KIF16B: variants seen among roughly 807,000 people sequenced by gnomAD.
The protein encoded by KIF16B is kinesin-like protein KIF16B.
In KIF16B, 98 loss-of-function variants were observed where a neutral mutation model predicts 156.3. That is an observed-to-expected ratio of 0.63 (90% CI 0.53 to 0.74). The LOEUF (loss-of-function observed/expected upper bound fraction) is 0.74. Ranked by LOEUF, KIF16B falls within the 30% of genes least tolerant of loss-of-function variation. KIF16B has a pLI of 0.00. For synonymous variants in KIF16B, 564 were observed against 583.7 expected (o/e 0.97, Z 0.49); for missense variants, 1,421 against 1,606.5 (o/e 0.88, Z 1.97).
intron 1 of KIF16B, among the ~76,000 whole-genome samples, chr20:16,542,684 G>C (rs1169478440): frequency 6.6e-6 from 1 of 152,216 alleles, no homozygotes; most frequent in African/African-American, 2.4e-5. Flanking sequence ...GAAGGTCACT[G>C]TGACTGCAGA....
At chr20:16,441,807 C>A (rs1448703591) in intron 12 of KIF16B, among the ~76,000 whole-genome samples, 1 of 152,162 alleles carries the variant, frequency 6.6e-6, no homozygotes, top group Admixed American at 6.5e-5. Context: ...ATTCAACCAA[C>A]ACCTAACGAC....
chr20:16,528,477 A>G (rs958188542), intron 1 of KIF16B, 37 bp from the exon 2 acceptor site: 1 of 1,396,790 alleles, frequency 7.2e-7, no homozygotes, highest in Non-Finnish European at 1.0e-6. Flanking sequence ...TTAGAAGAGA[A>G]AAGATTATTA....
intron 25 of KIF16B, among the ~76,000 whole-genome samples, chr20:16,275,060 T>C (rs983169998): frequency 6.6e-6 from 1 of 151,486 alleles, no homozygotes; most frequent in Non-Finnish European, 1.5e-5. Context: ...TTGTACTTTT[T>C]TTTTTTTTTT....
At chr20:16,340,901 T>G (rs1020992249) in intron 23 of KIF16B, among the ~76,000 whole-genome samples, 3 of 152,042 alleles carry the variant, frequency 2.0e-5, no homozygotes, top group African/African-American at 7.3e-5. Context: ...TCCTAGGCAA[T>G]AGATATAAAA....
At chr20:16,336,053 A>G (rs771300896) in intron 23 of KIF16B, 38 bp from the exon 24 acceptor site, 2 of 1,249,898 alleles carry the variant, frequency 1.6e-6, no homozygotes, top group East Asian at 4.7e-5. Flanking sequence ...AAGCATTAAG[A>G]AGCAAAAGTC....
chr20:16,373,378 C>T (rs1477781792), intron 20 of KIF16B, among the ~76,000 whole-genome samples: 8 of 152,128 alleles, frequency 5.3e-5, no homozygotes, highest in Non-Finnish European at 1.0e-4. Context: ...TCAAGACTGT[C>T]CGATTTCAAA....
chr20:16,393,086 A>G (rs2065409679), intron 17 of KIF16B, among the ~76,000 whole-genome samples: 1 of 152,228 alleles, frequency 6.6e-6, no homozygotes, highest in African/African-American at 2.4e-5. Context: ...TAGAAACTGT[A>G]TATCTAGTGC....
At chr20:16,383,909 T>C (rs2065165000) in intron 17 of KIF16B, among the ~76,000 whole-genome samples, 1 of 152,178 alleles carries the variant, frequency 6.6e-6, no homozygotes, top group Admixed American at 6.5e-5. Flanking sequence ...ACCTACCATC[T>C]GAGGATTGTT....
intron 10 of KIF16B, among the ~76,000 whole-genome samples, chr20:16,501,313 ACCAAGAATTGAATTCTTGGTTCAAT>A (rs2068617394): frequency 1.0e-5 from 1 of 96,564 alleles, no homozygotes; most frequent in Non-Finnish European, 2.7e-5. Flanking sequence ...TTGGTTCAAT[ACCAAGAATTGAATTCTTGGTTCAAT>A]ACCAAGAATT....
chr20:16,350,415 G>C (rs6105582), intron 23 of KIF16B, among the ~76,000 whole-genome samples: 109,594 of 151,928 alleles, frequency 0.72, 40,377 homozygotes, highest in East Asian at 0.96. Flanking sequence ...AGGGGGCATA[G>C]AGGTCTACCT....
intron 24 of KIF16B, among the ~76,000 whole-genome samples, chr20:16,331,957 T>C (rs2063955806): frequency 6.6e-6 from 1 of 151,674 alleles, no homozygotes; most frequent in Non-Finnish European, 1.5e-5. Flanking sequence ...GTATTGACTA[T>C]GTGAAGCTGA....
chr20:16,274,006 T>C (rs528748896), intron 25 of KIF16B, among the ~76,000 whole-genome samples: 62 of 151,462 alleles, frequency 4.1e-4, no homozygotes, highest in Non-Finnish European at 7.1e-4. Context: ...ACAGTGTCAC[T>C]AGTTAATCTC....
Position 16,379,595 on chromosome 20 carries a change from G to A in KIF16B, c.2407C>T (p.Arg803Trp), listed in dbSNP as rs117959133. Residue 803 changes from arginine to tryptophan, a missense_variant, in exon 19 of 26, where the codon CGG becomes TGG. Arg to Trp is a moderately radical substitution (Grantham distance 101). Coordinates refer to ENST00000354981, the MANE Select transcript of KIF16B (RefSeq NM_024704.5). ...DLEGIRESLL[R>W]VKEARAGGDE... ...CCTCCGGCACGAGCCTCCTTCACCC[G>A]CAGGAGGGATTCCCGAATGCCTTCC... The A allele has an allele frequency of 3.3e-3, 5,390 of 1,613,978 alleles. 10 individuals carry two copies. Among genetic ancestry groups the A allele is most frequent in the Non-Finnish European group, 4.2e-3 (4,985 of 1,179,992 alleles).
At chr20:16,494,182 T>C (rs909982086) in intron 12 of KIF16B, 109 bp downstream of exon 12, 11 of 680,618 alleles carry the variant, frequency 1.6e-5, no homozygotes, top group Non-Finnish European at 2.8e-5. Flanking sequence ...CCAGTGATCT[T>C]ACCTTAACAA....
intron 1 of KIF16B, among the ~76,000 whole-genome samples, chr20:16,543,109 A>G (rs1031586563): frequency 6.6e-6 from 1 of 152,116 alleles, no homozygotes; most frequent in Non-Finnish European, 1.5e-5. Context: ...TTAACCACCT[A>G]GGAGGTTCTG....
At chr20:16,382,128 AG>A in intron 17 of KIF16B, 1 of 1,352,470 alleles carries the variant, frequency 7.4e-7, no homozygotes, top group Non-Finnish European at 9.9e-7. Context: ...TATAGGGAAA[AG>A]ACTGCCAGGG....
chr20:16,313,758 T>C (rs368807615), intron 24 of KIF16B, among the ~76,000 whole-genome samples: 2 of 152,354 alleles, frequency 1.3e-5, no homozygotes, highest in African/African-American at 4.8e-5. Flanking sequence ...TTGTTATGCG[T>C]AGCAATAGTT....
At chr20:16,276,611 G>A (rs1005893918) in intron 25 of KIF16B, among the ~76,000 whole-genome samples, 1 of 152,054 alleles carries the variant, frequency 6.6e-6, no homozygotes, top group East Asian at 2.0e-4. Flanking sequence ...TCTAAAGTCT[G>A]TTAAGATGAG....
At chr20:16,291,527 G>C (rs1403152577) in intron 25 of KIF16B, among the ~76,000 whole-genome samples, 1 of 152,190 alleles carries the variant, frequency 6.6e-6, no homozygotes, top group Admixed American at 6.5e-5. Flanking sequence ...GCTGCAATAG[G>C]ACACAGGAGT....
Sources: allele counts gnomAD v4.1 joint callset (sites outside exome capture counted in the v4.1 genomes callset), GRCh38; gene constraint gnomAD v4.1.1; transcripts MANE v1.5; gene names NCBI Gene and HGNC (gene_info 2026-07-23, HGNC 2026-07-21).